The following TSHZ2 variants were observed in gnomAD, a reference collection of about 807,000 sequenced individuals.
The protein encoded by TSHZ2 is teashirt zinc finger homeobox 2, also known as teashirt homolog 2.
Under a neutral mutation model 74.4 loss-of-function variants are expected in TSHZ2, and 21 were observed. The observed-to-expected ratio is 0.28, with a 90% CI of 0.20 to 0.41. TSHZ2 has a LOEUF of 0.41. Among genes scored for constraint, TSHZ2 ranks in the 10% least tolerant of loss-of-function variants. TSHZ2 has a pLI of 1.00. For missense variants in TSHZ2, 1,244 were observed against 1,293.5 expected (o/e 0.96, Z 0.59); for synonymous variants, 540 against 515.3 (o/e 1.05, Z -0.65).
intron 2 of TSHZ2, among the ~76,000 whole-genome samples, chr20:53,406,526 T>C (rs752604715): frequency 4.6e-4 from 70 of 151,966 alleles, no homozygotes; most frequent in Non-Finnish European, 9.3e-4. Context: ...AGGACACAGG[T>C]AGAGTCCCTG....
At chr20:53,063,918 G>A (rs1984896388) in intron 1 of TSHZ2, among the ~76,000 whole-genome samples, 1 of 152,166 alleles carries the variant, frequency 6.6e-6, no homozygotes, top group South Asian at 2.1e-4. Context: ...TCTGAACTCG[G>A]TGGGAAATTG....
At chr20:53,455,378 G>T (rs550137286) in intron 2 of TSHZ2, 3 of 151,944 alleles carry the variant, frequency 2.0e-5, no homozygotes, top group South Asian at 2.1e-4. Context: ...GTATCAAAGC[G>T]GTACCCAGTA....
chr20:53,233,403 G>A (rs370653072), intron 1 of TSHZ2, among the ~76,000 whole-genome samples: 10 of 152,328 alleles, frequency 6.6e-5, no homozygotes, highest in Admixed American at 6.5e-5. Flanking sequence ...AAGAGATCCT[G>A]TCTAATAGGG....
At chr20:53,397,218 T>G (rs1485319221) in intron 2 of TSHZ2, among the ~76,000 whole-genome samples, 2 of 152,198 alleles carry the variant, frequency 1.3e-5, no homozygotes, top group African/African-American at 4.8e-5. Context: ...ATTTCTGCAA[T>G]CTACCCATCT....
chr20:53,251,402 A>T (rs1275107494), intron 1 of TSHZ2, among the ~76,000 whole-genome samples: 1 of 152,152 alleles, frequency 6.6e-6, no homozygotes, highest in Non-Finnish European at 1.5e-5. Context: ...TGGTATATCT[A>T]TTTTTTGCAA....
chr20:53,201,418 T>C lies in TSHZ2; in HGVS notation c.41-52081T>C, dbSNP rs115463978. Among the ~76,000 whole-genome samples the C allele has an allele frequency of 2.5e-3, 379 of 152,208 alleles. 1 individual carries two copies. The highest frequency in any genetic ancestry group is 8.8e-3 in the African/African-American group (366 of 41,544). On this transcript the variant is annotated intron_variant, in intron 1 of 2. Transcript: ENST00000371497. ...CTCCCTTCCATTTTCAAGCAGGGAA[T>C]TGCATCACGGTGACCTCTGGTTCTG...
chr20:53,409,373 C>T (rs1278947799), intron 2 of TSHZ2, among the ~76,000 whole-genome samples: 1 of 152,018 alleles, frequency 6.6e-6, no homozygotes, highest in Non-Finnish European at 1.5e-5. Context: ...TCAACTTTCC[C>T]AAGGCTGTCT....
chr20:53,278,955 C>T (rs1990998845), intron 2 of TSHZ2, among the ~76,000 whole-genome samples: 1 of 152,146 alleles, frequency 6.6e-6, no homozygotes, highest in South Asian at 2.1e-4. Context: ...AGAAGCCTTA[C>T]CAACAACATA....
chr20:53,294,165 G>T (rs1236395321), intron 2 of TSHZ2, among the ~76,000 whole-genome samples: 1 of 42,838 alleles, frequency 2.3e-5, no homozygotes, highest in African/African-American at 9.4e-5. Context: ...GATCTTGGCA[G>T]GTCGCTTAAT....
Position 53,253,557 on chromosome 20 carries a change from G to A in TSHZ2, c.99G>A (p.Glu33=). The A allele has an allele frequency of 1.2e-6, 2 of 1,613,854 alleles. No homozygotes were observed. The highest frequency in any genetic ancestry group is 1.7e-6 in the Non-Finnish European group (2 of 1,179,854). Residue 33 remains glutamate (E), a synonymous_variant, in exon 2 of 3, where the codon GAG becomes GAA. Transcript: ENST00000371497. ...AGGAAATAAAAGAAGAGGAGGAGGAGGAGGACAGCGGTTCAGTAGCTCAAC... is the reference window on the plus strand; with the variant it reads ...AGGAAATAAAAGAAGAGGAGGAGGAAGAGGACAGCGGTTCAGTAGCTCAAC... The part of the protein sequence containing the change: ...EEEEIKEEEE[E]EDSGSVAQLQ...
In TSHZ2 at chr20:53,386,364, G is replaced by A. The variant is rs541773480; in HGVS notation, c.*9-100780G>A. On this transcript the variant is annotated intron_variant, in intron 2 of 2. Transcript: ENST00000371497. ...TGCTAGTCATTAAGGAAATCTGTGA[G>A]GAGCTCACGGTACAGGAATTGTACA... Among the ~76,000 whole-genome samples, 14 of 152,304 alleles carry A rather than the reference G, an allele frequency of 9.2e-5. No individual in the cohort carries two copies. The South Asian group carries it at 2.5e-3, about 27-fold the overall frequency.
intron 1 of TSHZ2, among the ~76,000 whole-genome samples, chr20:53,226,055 T>C (rs1407190555): frequency 6.6e-6 from 1 of 151,344 alleles, no homozygotes; most frequent in Non-Finnish European, 1.5e-5. Flanking sequence ...TATGTATACA[T>C]AGACATTATC....
intron 2 of TSHZ2, among the ~76,000 whole-genome samples, chr20:53,450,763 T>C (rs565885655): frequency 4.9e-4 from 74 of 152,312 alleles, no homozygotes; most frequent in African/African-American, 1.7e-3. Context: ...CTCAACCAAT[T>C]CTCCTGCCTT....
chr20:53,245,900 C>A (rs1023685414), intron 1 of TSHZ2, among the ~76,000 whole-genome samples: 8 of 152,110 alleles, frequency 5.3e-5, no homozygotes, highest in Non-Finnish European at 2.9e-5. Flanking sequence ...CTGGTTCCTG[C>A]GGTTCAGAGG....
At chr20:53,013,482 C>T (rs1982928387) in intron 1 of TSHZ2, among the ~76,000 whole-genome samples, 1 of 152,170 alleles carries the variant, frequency 6.6e-6, no homozygotes, top group Non-Finnish European at 1.5e-5. Flanking sequence ...AGGAAAGGGT[C>T]CTCAGCATAG....
intron 2 of TSHZ2, among the ~76,000 whole-genome samples, chr20:53,356,678 C>T (rs931071217): frequency 2.0e-5 from 3 of 152,036 alleles, no homozygotes; most frequent in Non-Finnish European, 4.4e-5. Flanking sequence ...TATGCATGTC[C>T]ATTTTGGGAC....
At chr20:53,320,108 T>A (rs529698628) in intron 2 of TSHZ2, among the ~76,000 whole-genome samples, 1 of 152,210 alleles carries the variant, frequency 6.6e-6, no homozygotes, top group Non-Finnish European at 1.5e-5. Context: ...ATCATCATCA[T>A]TATCATCGTT....
intron 2 of TSHZ2, among the ~76,000 whole-genome samples, chr20:53,435,305 A>G (rs542221330): frequency 5.3e-5 from 8 of 152,358 alleles, no homozygotes; most frequent in Non-Finnish European, 1.0e-4. Flanking sequence ...ACTTTTTGGC[A>G]GAAGAAGCAA....
At chr20:53,144,046 G>A (rs1300104133) in intron 1 of TSHZ2, among the ~76,000 whole-genome samples, 2 of 152,128 alleles carry the variant, frequency 1.3e-5, no homozygotes, top group African/African-American at 4.8e-5. Context: ...TCAGTTTCTG[G>A]GTGGAGGCCA....
Sources: gnomAD v4.1 joint callset for allele counts (sites outside exome capture counted in the v4.1 genomes callset) on GRCh38, gnomAD v4.1.1 for gene constraint, MANE v1.5 for transcripts, NCBI Gene and HGNC (gene_info 2026-07-23, HGNC 2026-07-21) for gene names.